BCAS3: variants seen among roughly 807,000 people sequenced by gnomAD.
BCAS3 encodes the protein BCAS3 microtubule associated cell migration factor.
BCAS3 carries 53 observed loss-of-function variants against 116.1 expected under a neutral mutation model. That is an observed-to-expected ratio of 0.46 (90% CI 0.37 to 0.57). BCAS3 has a LOEUF of 0.57. Among genes scored for constraint, BCAS3 ranks in the 20% least tolerant of loss-of-function variants. The pLI is 0.00. For synonymous variants in BCAS3, 391 were observed against 408.2 expected (o/e 0.96, Z 0.51); for missense variants, 917 against 1,165.4 (o/e 0.79, Z 3.10).
rs1398336376 is a variant in BCAS3, at chr17:61,180,870, G to A, written c.2425+96306G>A. Among the ~76,000 whole-genome samples, 1 of 152,120 alleles carries A rather than the reference G, an allele frequency of 6.6e-6. No homozygotes were observed. Among genetic ancestry groups the A allele is most frequent in the Non-Finnish European group, 1.5e-5 (1 of 68,004 alleles). On this transcript the variant is annotated intron_variant, in intron 22 of 23. Coordinates refer to ENST00000407086, the MANE Select transcript of BCAS3 (RefSeq NM_017679.5). The surrounding 1 kb of genome is among the most constrained non-coding windows in gnomAD (Gnocchi z 6.0). Reference sequence around the variant, plus strand: ...TCATGAGGACAGGGTCTTATCTTTTGTCATTGCATCCCTAGTTAGAATAGT... The same window carrying A: ...TCATGAGGACAGGGTCTTATCTTTTATCATTGCATCCCTAGTTAGAATAGT...
chr17:60,799,006 T>G (rs543615297), intron 6 of BCAS3, among the ~76,000 whole-genome samples: 1 of 152,350 alleles, frequency 6.6e-6, no homozygotes, highest in Admixed American at 6.5e-5. Flanking sequence ...CTTTTGCCCA[T>G]AGTGTTTTCT....
In BCAS3 at chr17:61,363,435, C is replaced by T. The variant is rs554026789; in HGVS notation, c.2426-4892C>T. On this transcript the variant is annotated intron_variant, in intron 22 of 23. Transcript: ENST00000407086. This position sits in a 1 kb window ranked among gnomAD's most constrained non-coding sequence, Gnocchi z 4.9. Reference sequence around the variant, plus strand: ...GCAAGAATCCCCAGGAGATAGCCTGCGAAGACTGTTGCACTTACAACCAGA... The same window carrying T: ...GCAAGAATCCCCAGGAGATAGCCTGTGAAGACTGTTGCACTTACAACCAGA... Among the ~76,000 whole-genome samples, 10 of 152,026 alleles carry T rather than the reference C, an allele frequency of 6.6e-5. No homozygotes were observed. Among genetic ancestry groups the T allele is most frequent in the South Asian group, 2.1e-4 (1 of 4,824 alleles).
intron 22 of BCAS3, among the ~76,000 whole-genome samples, chr17:61,091,278 A>G (rs2073542239): frequency 6.6e-6 from 1 of 152,178 alleles, no homozygotes. Flanking sequence ...AGGGTTCCAC[A>G]TATTTACATG....
chr17:60,837,258 C>T (rs1678606473), intron 7 of BCAS3, among the ~76,000 whole-genome samples: 1 of 152,190 alleles, frequency 6.6e-6, no homozygotes, highest in African/African-American at 2.4e-5. Context: ...TAAACATCCA[C>T]AACCTTGTTT....
rs958211129 is a variant in BCAS3 at position 61,348,684 on chromosome 17, C to T, written c.2426-19643C>T. On this transcript the variant is annotated intron_variant, in intron 22 of 23. Transcript: ENST00000407086. This position sits in a 1 kb window ranked among gnomAD's most constrained non-coding sequence, Gnocchi z 4.5. Reference sequence around the variant, plus strand: ...CTGGGTTGCCCACAAGGGACCACATCATTGTACCTAAGCTGCCATGATCAT... The same window carrying T: ...CTGGGTTGCCCACAAGGGACCACATTATTGTACCTAAGCTGCCATGATCAT... 6.6e-6 allele frequency among the ~76,000 whole-genome samples: 1 copy of T among 151,708 alleles called. No individual in the cohort carries two copies. Among genetic ancestry groups the T allele is most frequent in the Non-Finnish European group, 1.5e-5 (1 of 67,972 alleles).
At chr17:61,138,727 G>C (rs1331553680) in intron 22 of BCAS3, among the ~76,000 whole-genome samples, 1 of 152,092 alleles carries the variant, frequency 6.6e-6, no homozygotes, top group South Asian at 2.1e-4. Context: ...TTTTTTACTA[G>C]AACATTTGTT....
At chr17:60,810,729 C>A (rs2144635560) in intron 7 of BCAS3, 3 of 662,984 alleles carry the variant, frequency 4.5e-6, no homozygotes, top group African/African-American at 1.8e-5. Context: ...TCTGCAAGGT[C>A]ACTGATGACA....
chr17:60,938,663 T>C (rs2060065450), intron 13 of BCAS3, among the ~76,000 whole-genome samples: 1 of 151,868 alleles, frequency 6.6e-6, no homozygotes, highest in South Asian at 2.1e-4. Flanking sequence ...TGGGAAAATG[T>C]TAAATAGTGA....
chr17:61,360,634 C>T (rs1377262475), intron 22 of BCAS3, among the ~76,000 whole-genome samples: 2 of 152,188 alleles, frequency 1.3e-5, no homozygotes, highest in East Asian at 1.9e-4. Flanking sequence ...TGTCTCTGAT[C>T]CCCTCTTTTC....
chr17:61,354,564 G>A lies in BCAS3; in HGVS notation c.2426-13763G>A, dbSNP rs560010897. 2.6e-5 allele frequency: 4 copies of A among 152,260 alleles called. No individual in the cohort carries two copies. Among genetic ancestry groups the A allele is most frequent in the Admixed American group, 6.5e-5 (1 of 15,286 alleles). 9.4% of individuals were successfully genotyped at this position (152,260 alleles called of 1,614,324 possible). A position where few individuals can be genotyped will look rare whatever the true frequency, so the allele number is the denominator to read the frequency against. On this transcript the variant is annotated intron_variant, in intron 22 of 23. Transcript: ENST00000407086. The surrounding 1 kb of genome is among the most constrained non-coding windows in gnomAD (Gnocchi z 4.5). ...GCTTAGCCTGCTCTTCTCAGGCCAAGTCTTTGTTGAACAGCTTCAGTGCAA... is the reference window on the plus strand; with the variant it reads ...GCTTAGCCTGCTCTTCTCAGGCCAAATCTTTGTTGAACAGCTTCAGTGCAA...
chr17:60,866,828 C>A (rs1210220494), intron 7 of BCAS3, among the ~76,000 whole-genome samples: 2 of 152,006 alleles, frequency 1.3e-5, no homozygotes, highest in African/African-American at 2.4e-5. Flanking sequence ...GTTATTGATT[C>A]TATTATCTTT....
intron 13 of BCAS3, among the ~76,000 whole-genome samples, chr17:60,929,266 T>C (rs1186120137): frequency 6.6e-6 from 1 of 151,926 alleles, no homozygotes; most frequent in Non-Finnish European, 1.5e-5. Flanking sequence ...CTAAAAAAAA[T>C]TTTAAAAAAT....
chr17:60,865,697 A>G lies in BCAS3; in HGVS notation c.477-2879A>G, dbSNP rs1021072089. ...AGATAATGTTATCTATAAATAGATCATGTTATCTGTGATGGTTTTATTTCT... is the reference window on the plus strand; with the variant it reads ...AGATAATGTTATCTATAAATAGATCGTGTTATCTGTGATGGTTTTATTTCT... On this transcript the variant is annotated intron_variant, in intron 7 of 23. Transcript: ENST00000407086. Among the ~76,000 whole-genome samples the G allele has an allele frequency of 5.9e-5, 9 of 152,318 alleles. No homozygotes were observed. The East Asian group carries it at 1.7e-3, about 29-fold the overall frequency.
intron 6 of BCAS3, among the ~76,000 whole-genome samples, chr17:60,779,688 G>A (rs1341391059): frequency 6.6e-6 from 1 of 152,030 alleles, no homozygotes; most frequent in African/African-American, 2.4e-5. Flanking sequence ...GTTTAGACTT[G>A]GTTCCTATCA....
chr17:60,952,317 A>G (rs2060887743), intron 14 of BCAS3, among the ~76,000 whole-genome samples: 1 of 151,584 alleles, frequency 6.6e-6, no homozygotes, highest in African/African-American at 2.4e-5. Flanking sequence ...AATTATTTTT[A>G]AACTTTTTTT....
At chr17:61,310,462 G>A (rs774158210) in intron 22 of BCAS3, among the ~76,000 whole-genome samples, 2 of 151,848 alleles carry the variant, frequency 1.3e-5, no homozygotes, top group African/African-American at 2.4e-5. Context: ...GCTGAGGCAG[G>A]AGAATCCCTT....
At chr17:61,108,630 G>GTA (rs2074836804) in intron 22 of BCAS3, among the ~76,000 whole-genome samples, 1 of 147,632 alleles carries the variant, frequency 6.8e-6, no homozygotes. Flanking sequence ...ATTTCAATAG[G>GTA]CTTTTGGGGA....
chr17:61,090,738 A>G (rs771006209), intron 22 of BCAS3, among the ~76,000 whole-genome samples: 8 of 151,756 alleles, frequency 5.3e-5, no homozygotes, highest in Non-Finnish European at 1.2e-4. Flanking sequence ...GCTCACTGCA[A>G]CCTCTGCCTC....
At chr17:60,762,908 C>T (rs936371115) in intron 6 of BCAS3, among the ~76,000 whole-genome samples, 14 of 151,508 alleles carry the variant, frequency 9.2e-5, no homozygotes, top group African/African-American at 2.2e-4. Flanking sequence ...TTGAAGAGGT[C>T]CTTCACGTCC....
Sources: gnomAD v4.1 joint callset for allele counts (sites outside exome capture counted in the v4.1 genomes callset) on GRCh38, gnomAD v4.1.1 for gene constraint, Gnocchi (gnomAD v3.1) non-coding constraint, MANE v1.5 for transcripts, NCBI Gene and HGNC (gene_info 2026-07-23, HGNC 2026-07-21) for gene names.